The following PTGFRN variants were observed in gnomAD, a reference collection of about 807,000 sequenced individuals.
PTGFRN encodes the protein prostaglandin F2 receptor inhibitor, also known as prostaglandin F2 receptor negative regulator.
A neutral mutation model predicts 83.2 loss-of-function variants in PTGFRN; 35 were observed. The observed-to-expected ratio is 0.42, with a 90% CI of 0.32 to 0.56. PTGFRN has a LOEUF of 0.56. Among genes scored for constraint, PTGFRN ranks in the 20% least tolerant of loss-of-function variants. The probability of loss-of-function intolerance (pLI) is 0.11; values close to 1 mark genes in which losing one functional copy is unlikely to be tolerated. For missense variants in PTGFRN, 1,051 were observed against 1,179.5 expected (o/e 0.89, Z 1.60); for synonymous variants, 519 against 498.6 (o/e 1.04, Z -0.55).
intron 5 of PTGFRN, among the ~76,000 whole-genome samples, chr1:116,964,079 G>GCCC (rs59288234): frequency 1.3e-3 from 197 of 151,650 alleles, no homozygotes; most frequent in African/African-American, 4.1e-3. Context: ...CGTGCCGGGC[G>GCCC]CCCCCCCTTT....
Position 116,949,652 on chromosome 1 carries a change from G to T in PTGFRN, c.1213+80G>T, listed in dbSNP as rs1232783026. 2.0e-6 allele frequency: 3 copies of T among 1,514,558 alleles called. No homozygotes were observed. The African/African-American group carries it at 4.2e-5, about 21-fold the overall frequency. 93.8% of individuals were successfully genotyped at this position (1,514,558 alleles called of 1,614,324 possible). ...TTATCTGAAGGAGTTATCTCAGGAG[G>T]CTCTGCGCTTTGCATGACTTCGACA... is the stretch of plus-strand genomic sequence containing the variant. On this transcript the variant is annotated intron_variant, in intron 4 of 8. Transcript: ENST00000393203.
chr1:116,981,312 G>A (rs938449836), intron 7 of PTGFRN, among the ~76,000 whole-genome samples: 13 of 152,022 alleles, frequency 8.6e-5, no homozygotes, highest in Admixed American at 5.2e-4. Flanking sequence ...CTTTGACCTC[G>A]ACACTCTGTA....
intron 1 of PTGFRN, among the ~76,000 whole-genome samples, chr1:116,910,558 C>A (rs1343669609): frequency 6.6e-6 from 1 of 152,008 alleles, no homozygotes; most frequent in African/African-American, 2.4e-5. Flanking sequence ...GGTCTCCCTA[C>A]CTGTTGGCCG....
At chr1:116,921,840 A>G (rs115730227) in intron 1 of PTGFRN, among the ~76,000 whole-genome samples, 2,447 of 152,240 alleles carry the variant, frequency 0.016, 61 homozygotes, top group African/African-American at 0.056. Context: ...AACTGAGGCC[A>G]GGGGCTGTTA....
intron 1 of PTGFRN, among the ~76,000 whole-genome samples, chr1:116,924,988 G>C (rs530588536): frequency 4.6e-5 from 7 of 152,204 alleles, no homozygotes; most frequent in Admixed American, 1.3e-4. Context: ...AACTCTGCCT[G>C]AGCTGGGGGC....
In PTGFRN at chr1:116,944,725, G is replaced by C. The variant is rs745433963; in HGVS notation, c.465G>C (p.Pro155=). 6.8e-7 allele frequency: 1 copy of C among 1,460,098 alleles called. No homozygotes were observed. Among genetic ancestry groups the C allele is most frequent in the Non-Finnish European group, 9.0e-7 (1 of 1,113,844 alleles). The allele number at this position is 1,460,098 out of a possible 1,614,324, so 90.4% of individuals were successfully genotyped here. A position where few individuals can be genotyped will look rare whatever the true frequency, so the allele number is the denominator to read the frequency against. ...TGGGCCCCAGCGCGCGGCCCCCGCCGAGCCTGAGCCTGCGGGAGGGGGAGC... is the reference window on the plus strand; with the variant it reads ...TGGGCCCCAGCGCGCGGCCCCCGCCCAGCCTGAGCCTGCGGGAGGGGGAGC... ...LHVGPSARPP[P]SLSLREGEPF... Residue 155 remains proline, a synonymous_variant, in exon 3 of 9, where the codon CCG becomes CCC. Transcript: ENST00000393203.
At chr1:116,947,695 G>A (rs1650236338) in intron 3 of PTGFRN, among the ~76,000 whole-genome samples, 1 of 152,176 alleles carries the variant, frequency 6.6e-6, no homozygotes, top group Non-Finnish European at 1.5e-5. Context: ...TGAAGTCCTG[G>A]CAGAGGTGAC....
chr1:116,976,420 G>A (rs1651156305), intron 7 of PTGFRN, among the ~76,000 whole-genome samples: 1 of 152,168 alleles, frequency 6.6e-6, no homozygotes, highest in Non-Finnish European at 1.5e-5. Context: ...ACACAAAACT[G>A]TCAGATTCAC....
At chr1:116,978,734 G>T (rs1374671496) in intron 7 of PTGFRN, among the ~76,000 whole-genome samples, 1 of 152,074 alleles carries the variant, frequency 6.6e-6, no homozygotes, top group Non-Finnish European at 1.5e-5. Context: ...AAAATAATAA[G>T]AACTATTTAT....
chr1:116,956,578 G>A (rs1265803846), intron 4 of PTGFRN, among the ~76,000 whole-genome samples: 1 of 152,236 alleles, frequency 6.6e-6, no homozygotes, highest in Admixed American at 6.5e-5. Flanking sequence ...GCGGAGCATA[G>A]GAGTAGCTAG....
At chr1:116,965,810 T>G (rs1442505702) in intron 5 of PTGFRN, among the ~76,000 whole-genome samples, 1 of 152,234 alleles carries the variant, frequency 6.6e-6, no homozygotes, top group East Asian at 1.9e-4. Context: ...ATTTTTGTAT[T>G]TATTTGTTCA....
intron 3 of PTGFRN, among the ~76,000 whole-genome samples, chr1:116,947,577 T>G (rs78675247): frequency 0.013 from 1,973 of 152,290 alleles, 53 homozygotes; most frequent in African/African-American, 0.043. Flanking sequence ...TGCCAATATT[T>G]TCTGAACCTG....
chr1:116,983,652 T>G (rs1230187047), intron 7 of PTGFRN, among the ~76,000 whole-genome samples: 2 of 152,252 alleles, frequency 1.3e-5, no homozygotes, highest in African/African-American at 4.8e-5. Flanking sequence ...GCTTACTTTT[T>G]TAATATGTAA....
intron 1 of PTGFRN, among the ~76,000 whole-genome samples, chr1:116,933,649 A>G (rs1557961089): frequency 6.6e-6 from 1 of 152,080 alleles, no homozygotes; most frequent in Non-Finnish European, 1.5e-5. Flanking sequence ...CTTGTTGAGA[A>G]TTGGTTGAAA....
rs1448016013 is a variant in PTGFRN at position 116,949,358 on chromosome 1, G to T, written c.999G>T (p.Arg333=). Residue 333 remains arginine (R), a synonymous_variant, in exon 4 of 9, where the codon CGG becomes CGT. Coordinates refer to ENST00000393203, the MANE Select transcript of PTGFRN (RefSeq NM_020440.4). ...TACCTGGCTCCCGCGTGTTGGCGCG[G>T]CTTGACCGTGATTCCCTGGTGCACA... The part of the protein sequence containing the change: ...STLPGSRVLA[R]LDRDSLVHSS... 1.9e-6 allele frequency: 3 copies of T among 1,614,276 alleles called. No individual in the cohort carries two copies. Among genetic ancestry groups the T allele is most frequent in the Non-Finnish European group, 2.5e-6 (3 of 1,180,052 alleles).
intron 7 of PTGFRN, among the ~76,000 whole-genome samples, chr1:116,975,729 C>T (rs1315644505): frequency 6.6e-6 from 1 of 152,124 alleles, no homozygotes; most frequent in African/African-American, 2.4e-5. Flanking sequence ...CTCTACGTCA[C>T]CACCATCAAA....
intron 1 of PTGFRN, among the ~76,000 whole-genome samples, chr1:116,913,477 G>T (rs1649323180): frequency 6.6e-6 from 1 of 152,026 alleles, no homozygotes; most frequent in Non-Finnish European, 1.5e-5. Context: ...GGTGGGTTTG[G>T]GATAGATCCT....
chr1:116,980,936 A>C (rs1009455196), intron 7 of PTGFRN, among the ~76,000 whole-genome samples: 4 of 152,256 alleles, frequency 2.6e-5, no homozygotes, highest in Non-Finnish European at 5.9e-5. Context: ...AAAGTGCTCT[A>C]TAATATCACA....
chr1:116,986,947 A>T lies in PTGFRN; in HGVS notation c.2620A>T (p.Met874Leu). 1 of 1,614,238 alleles carries T rather than the reference A, an allele frequency of 6.2e-7. No homozygotes were observed. The highest frequency in any genetic ancestry group is 1.3e-5 in the African/African-American group (1 of 75,080). ...QETRRERRRLMSMEMD is the reference protein window; with the variant it reads ...QETRRERRRLLSMEMD ...GACACGGCGCGAGCGCCGCAGGCTC[A>T]TGTCGATGGAGATGGACTAGGCTGG... Residue 874 changes from methionine (M) to leucine (L), a missense_variant, in exon 9 of 9, where the codon ATG (methionine) becomes TTG (leucine). Physicochemically the swap from Met to Leu is conservative, Grantham distance 15. Coordinates refer to ENST00000393203, the MANE Select transcript of PTGFRN (RefSeq NM_020440.4).
Sources: allele counts gnomAD v4.1 joint callset (sites outside exome capture counted in the v4.1 genomes callset), GRCh38; gene constraint gnomAD v4.1.1; transcripts MANE v1.5; gene names NCBI Gene and HGNC (gene_info 2026-07-23, HGNC 2026-07-21).